The following ARHGAP5 variants were observed in gnomAD, a reference collection of about 807,000 sequenced individuals.
The protein encoded by ARHGAP5 is Rho GTPase activating protein 5.
A neutral mutation model predicts 116.6 loss-of-function variants in ARHGAP5; 23 were observed. That is an observed-to-expected ratio of 0.20 (90% CI 0.14 to 0.28). The LOEUF is 0.28. Among genes scored for constraint, ARHGAP5 ranks in the 10% least tolerant of loss-of-function variants. ARHGAP5 has a pLI of 1.00. For missense variants in ARHGAP5, 1,405 were observed against 1,774.8 expected, an observed-to-expected ratio of 0.79 and a Z score of 3.74; for synonymous variants, 574 against 602.0, an observed-to-expected ratio of 0.95 and a Z score of 0.68.
chr14:32,150,309 A>G (rs571931001), intron 5 of ARHGAP5, among the ~76,000 whole-genome samples: 1 of 152,352 alleles, frequency 6.6e-6, no homozygotes, highest in African/African-American at 2.4e-5. Context: ...TGTGTTTTTA[A>G]TTCAAACTTA....
intron 6 of ARHGAP5, chr14:32,153,938 A>G (rs904842209): frequency 1.3e-5 from 2 of 151,914 alleles, no homozygotes; most frequent in Non-Finnish European, 2.9e-5. Context: ...GGAAAAAAAA[A>G]GAGAGGAACA....
intron 3 of ARHGAP5, among the ~76,000 whole-genome samples, chr14:32,119,204 T>C (rs780025032): frequency 6.6e-6 from 1 of 152,112 alleles, no homozygotes; most frequent in Non-Finnish European, 1.5e-5. Flanking sequence ...TTTTGAGAAA[T>C]TTGTTCATTT....
chr14:32,084,828 A>T (rs1174391176), intron 1 of ARHGAP5, among the ~76,000 whole-genome samples: 1 of 152,216 alleles, frequency 6.6e-6, no homozygotes, highest in Admixed American at 6.5e-5. Flanking sequence ...AGACCACAAC[A>T]TAGTGAGACT....
intron 2 of ARHGAP5, among the ~76,000 whole-genome samples, chr14:32,095,298 G>A (rs1399600593): frequency 6.6e-6 from 1 of 151,850 alleles, no homozygotes; most frequent in Non-Finnish European, 1.5e-5. Context: ...TATAGTAACT[G>A]CCCATTATAG....
chr14:32,105,721 T>C (rs1422797030), intron 2 of ARHGAP5, among the ~76,000 whole-genome samples: 1 of 152,170 alleles, frequency 6.6e-6, no homozygotes, highest in Non-Finnish European at 1.5e-5. Flanking sequence ...TGTAAAACAG[T>C]TCCATCCACT....
intron 3 of ARHGAP5, among the ~76,000 whole-genome samples, chr14:32,124,811 C>T (rs1032855902): frequency 2.6e-5 from 4 of 152,078 alleles, no homozygotes; most frequent in Non-Finnish European, 5.9e-5. Flanking sequence ...TGGTAATTGT[C>T]AGTGTCTAGA....
At chr14:32,141,825 A>C (rs1017278155) in intron 3 of ARHGAP5, among the ~76,000 whole-genome samples, 1 of 152,322 alleles carries the variant, frequency 6.6e-6, no homozygotes, top group Admixed American at 6.5e-5. Context: ...CACTTTAAAT[A>C]TATCATTCTA....
intron 2 of ARHGAP5, among the ~76,000 whole-genome samples, chr14:32,101,653 A>C (rs1182095836): frequency 7.7e-6 from 1 of 129,738 alleles, no homozygotes; most frequent in East Asian, 2.1e-4. Context: ...TGTGAAGGCC[A>C]AAAAAAAAAA....
Position 32,092,757 on chromosome 14 carries a change from T to G in ARHGAP5, c.2088T>G (p.Phe696Leu). Residue 696 changes from phenylalanine (F) to leucine (L), a missense_variant, in exon 2 of 7, where the codon TTT (phenylalanine) becomes TTG (leucine). This residue lies in a region of ARHGAP5 where 944 missense variants were observed against 1,095.3 expected (regional missense o/e 0.86). Coordinates refer to ENST00000345122, the MANE Select transcript of ARHGAP5 (RefSeq NM_001030055.2). This position sits in a 1 kb window ranked among gnomAD's most constrained non-coding sequence, Gnocchi z 4.1. ...ATAAATACATGGCTAATCTTCCATT[T>G]ACATTAATTCTGGCTAATCAGAGAG... ...RKDKYMANLP[F>L]TLILANQRDS... is the part of the protein sequence containing the mutation. 1 of 1,613,890 alleles carries G rather than the reference T, an allele frequency of 6.2e-7. No individual in the cohort carries two copies. The highest frequency in any genetic ancestry group is 1.1e-5 in the South Asian group (1 of 91,022).
intron 3 of ARHGAP5, among the ~76,000 whole-genome samples, chr14:32,122,314 A>G (rs1399884858): frequency 6.6e-6 from 1 of 152,184 alleles, no homozygotes; most frequent in Non-Finnish European, 1.5e-5. Flanking sequence ...TTTTGTGCAC[A>G]TCTTTGAAGA....
At chr14:32,087,688 A>G (rs1200087136) in intron 1 of ARHGAP5, among the ~76,000 whole-genome samples, 1 of 151,994 alleles carries the variant, frequency 6.6e-6, no homozygotes, top group Non-Finnish European at 1.5e-5. Context: ...TCAAAATACC[A>G]GCAGGTGGTC....
chr14:32,148,944 A>G (rs1024983093), intron 4 of ARHGAP5, among the ~76,000 whole-genome samples: 1 of 152,194 alleles, frequency 6.6e-6, no homozygotes, highest in Non-Finnish European at 1.5e-5. Context: ...ACCATTTTAC[A>G]TAAAATTTTG....
chr14:32,140,291 G>A (rs1212092555), intron 3 of ARHGAP5, among the ~76,000 whole-genome samples: 1 of 151,808 alleles, frequency 6.6e-6, no homozygotes, highest in Non-Finnish European at 1.5e-5. Context: ...GTTGAAGAAT[G>A]TGTTGTTTGG....
chr14:32,105,350 T>C (rs1488604219), intron 2 of ARHGAP5, among the ~76,000 whole-genome samples: 1 of 152,228 alleles, frequency 6.6e-6, no homozygotes, highest in African/African-American at 2.4e-5. Flanking sequence ...TGCTATAAAA[T>C]GTGTTGCTTC....
At chr14:32,108,976 T>C (rs1389460695) in intron 2 of ARHGAP5, among the ~76,000 whole-genome samples, 1 of 152,190 alleles carries the variant, frequency 6.6e-6, no homozygotes, top group African/African-American at 2.4e-5. Context: ...TTGGTTTCCA[T>C]AGAAGTTTAC....
At chr14:32,103,742 T>C (rs1195125940) in intron 2 of ARHGAP5, among the ~76,000 whole-genome samples, 1 of 152,162 alleles carries the variant, frequency 6.6e-6, no homozygotes, top group Non-Finnish European at 1.5e-5. Context: ...TGCTCTGTAA[T>C]GTTTTCCTGT....
intron 1 of ARHGAP5, among the ~76,000 whole-genome samples, chr14:32,085,817 G>A (rs988006068): frequency 2.6e-5 from 4 of 151,712 alleles, no homozygotes; most frequent in African/African-American, 4.8e-5. Flanking sequence ...ACTATATTTG[G>A]GGTTGTACTC....
intron 3 of ARHGAP5, among the ~76,000 whole-genome samples, chr14:32,140,090 A>ATTTTTTTTTTTTTTTTTT (rs1566681657): frequency 6.8e-5 from 3 of 44,290 alleles, no homozygotes; most frequent in Admixed American, 2.9e-4. Context: ...TTTTTAGGTT[A>ATTTTTTTTTTTTTTTTTT]TTTGTTCTTT....
At chr14:32,099,649 A>T (rs10134888) in intron 2 of ARHGAP5, among the ~76,000 whole-genome samples, 6,497 of 152,220 alleles carry the variant, frequency 0.043, 446 homozygotes, top group African/African-American at 0.15. Flanking sequence ...AAATACCTCA[A>T]TATACTCAGT....
Sources: allele counts gnomAD v4.1 joint callset (sites outside exome capture counted in the v4.1 genomes callset), GRCh38; gene constraint gnomAD v4.1.1; regional missense constraint gnomAD v4.1.1; non-coding constraint Gnocchi (gnomAD v3.1); transcripts MANE v1.5; gene names NCBI Gene and HGNC (gene_info 2026-07-23, HGNC 2026-07-21).